RAB28: variants seen among roughly 807,000 people sequenced by gnomAD.
RAB28 encodes ras-related protein Rab-28.
Under a neutral mutation model 31.7 loss-of-function variants are expected in RAB28, and 24 were observed. The observed-to-expected ratio is 0.76, with a 90% CI of 0.55 to 1.06. The LOEUF is 1.06. Ranked by LOEUF, RAB28 falls within the 50% of genes least tolerant of loss-of-function variation. RAB28 has a pLI of 0.00. For missense variants in RAB28, 254 were observed against 258.5 expected, an observed-to-expected ratio of 0.98 and a Z score of 0.12; for synonymous variants, 100 against 90.4, an observed-to-expected ratio of 1.11 and a Z score of -0.60.
chr4:13,369,790 C>A, intron 6 of RAB28: 2 of 1,225,512 alleles, frequency 1.6e-6, no homozygotes, highest in Non-Finnish European at 2.2e-6. Context: ...CTTCCCTATT[C>A]ATAGGGAATA....
At chr4:13,451,397 GTT>G (rs79148759) in intron 4 of RAB28, among the ~76,000 whole-genome samples, 8,076 of 135,924 alleles carry the variant, frequency 0.059, 498 homozygotes, top group African/African-American at 0.16. Context: ...TTTGGGGTGG[GTT>G]TTTTTTTTTT....
chr4:13,439,890 G>A (rs1714324546), intron 4 of RAB28, among the ~76,000 whole-genome samples: 1 of 152,072 alleles, frequency 6.6e-6, no homozygotes, highest in African/African-American at 2.4e-5. Context: ...AATTCCCAAA[G>A]CACTAGCTGT....
At chr4:13,427,090 T>C (rs1347917684) in intron 4 of RAB28, among the ~76,000 whole-genome samples, 1 of 152,220 alleles carries the variant, frequency 6.6e-6, no homozygotes, top group African/African-American at 2.4e-5. Flanking sequence ...ATAGACCTGA[T>C]ATTTTAAAGC....
intron 4 of RAB28, among the ~76,000 whole-genome samples, chr4:13,460,431 G>T (rs948049096): frequency 6.6e-6 from 1 of 152,060 alleles, no homozygotes; most frequent in African/African-American, 2.4e-5. Flanking sequence ...GGCCAGGTTT[G>T]TCCGAAACTC....
chr4:13,457,207 C>T (rs1277585616), intron 4 of RAB28, among the ~76,000 whole-genome samples: 3 of 152,176 alleles, frequency 2.0e-5, no homozygotes, highest in African/African-American at 7.2e-5. Flanking sequence ...CTTTCCATCA[C>T]ATCTCTTGCT....
rs748395550 is a variant in RAB28, at chr4:13,460,846, C to T, written c.262-18G>A. The T allele has an allele frequency of 1.2e-6, 2 of 1,604,040 alleles. No homozygotes were observed. The highest frequency in any genetic ancestry group is 1.1e-5 in the South Asian group (1 of 90,220). On this transcript the variant is annotated intron_variant, in intron 3 of 6. Transcript: ENST00000330852. ...AGGACTCCCTGTCACAAAAGAGTTA[C>T]AAAATATCTGTAATGTATTATTTGG... is the stretch of plus-strand genomic sequence containing the variant.
At chr4:13,478,094 C>A (rs1249838660) in intron 2 of RAB28, among the ~76,000 whole-genome samples, 2 of 151,510 alleles carry the variant, frequency 1.3e-5, no homozygotes, top group Admixed American at 6.6e-5. Context: ...GAAAAAAACT[C>A]CTGCAAAAAT....
chr4:13,403,166 C>A (rs1259930898), intron 4 of RAB28, among the ~76,000 whole-genome samples: 1 of 152,170 alleles, frequency 6.6e-6, no homozygotes, highest in African/African-American at 2.4e-5. Flanking sequence ...CTAGGAAAGA[C>A]AGAAACAGAT....
At chr4:13,436,661 A>T (rs1714129003) in intron 4 of RAB28, among the ~76,000 whole-genome samples, 1 of 152,168 alleles carries the variant, frequency 6.6e-6, no homozygotes, top group Non-Finnish European at 1.5e-5. Context: ...TAGGTGAAAG[A>T]TCTCTGAGGA....
intron 4 of RAB28, among the ~76,000 whole-genome samples, chr4:13,459,328 G>C (rs759362019): frequency 2.0e-4 from 30 of 152,120 alleles, no homozygotes; most frequent in Non-Finnish European, 4.4e-5. Context: ...GTGATCATGT[G>C]AGTCAATTCT....
intron 4 of RAB28, among the ~76,000 whole-genome samples, chr4:13,389,026 G>A (rs1729508842): frequency 2.0e-5 from 3 of 152,100 alleles, no homozygotes; most frequent in South Asian, 2.1e-4. Flanking sequence ...AACAGCACTA[G>A]TCATAATAGC....
intron 4 of RAB28, among the ~76,000 whole-genome samples, chr4:13,429,395 A>T (rs1257231872): frequency 6.6e-6 from 1 of 152,216 alleles, no homozygotes. Flanking sequence ...AGAATCCACA[A>T]AAAAAACTAT....
intron 4 of RAB28, among the ~76,000 whole-genome samples, chr4:13,423,997 A>G (rs769301896): frequency 1.3e-5 from 2 of 152,172 alleles, no homozygotes; most frequent in Non-Finnish European, 1.5e-5. Context: ...AAAGCTGAGG[A>G]AGGTATAACA....
rs532380156 is a variant in RAB28 at position 13,394,100 on chromosome 4, C to T, written c.392-12506G>A. Among the ~76,000 whole-genome samples the T allele has an allele frequency of 3.2e-3, 485 of 152,032 alleles. 2 individuals carry two copies. The highest frequency in any genetic ancestry group is 0.014 in the Middle Eastern group (4 of 294). ...TATCATAATCTGAAAGTGGAGGAGG[C>T]GACCAGATAAGAGAGTAACAGAGTG... is the stretch of plus-strand genomic sequence containing the variant. On this transcript the variant is annotated intron_variant, in intron 4 of 6. Transcript: ENST00000330852.
chr4:13,377,430 G>A (rs1445371856), intron 5 of RAB28, among the ~76,000 whole-genome samples: 1 of 152,140 alleles, frequency 6.6e-6, no homozygotes, highest in Non-Finnish European at 1.5e-5. Context: ...ATTCCTGATA[G>A]CCTTATGCCA....
At position 13,460,700 on chromosome 4, in the gene RAB28, T is replaced by C. The variant is rs1180876099; in HGVS notation, c.390A>G (p.Lys130=). Residue 130 remains lysine, a splice_region_variant and synonymous_variant, in exon 4 of 7, where the codon AAA becomes AAG. Transcript: ENST00000330852. ...CATAAACAAGCAGTAATAACTTACT[T>C]TTATTGCCTACCAAGGCAACCAGTG... is the stretch of plus-strand genomic sequence containing the variant. ...TQPLVALVGN[K]IDLEHMRTIK... 1.9e-6 allele frequency: 3 copies of C among 1,613,844 alleles called. No homozygotes were observed. Among genetic ancestry groups the C allele is most frequent in the Non-Finnish European group, 2.5e-6 (3 of 1,179,882 alleles).
intron 6 of RAB28, chr4:13,370,169 A>G (rs2108872407): frequency 1.0e-6 from 1 of 981,590 alleles, no homozygotes; most frequent in Non-Finnish European, 1.2e-6. Flanking sequence ...AGAAAAGGAA[A>G]GGAACAAAGA....
chr4:13,450,336 T>TCTATGTTTGAAAA (rs1404225388), intron 4 of RAB28, among the ~76,000 whole-genome samples: 7 of 151,866 alleles, frequency 4.6e-5, no homozygotes, highest in African/African-American at 1.7e-4. Context: ...TCAAACATGA[T>TCTATGTTTGAAAA]CTAGTATAAA....
At chr4:13,433,471 A>G (rs972126009) in intron 4 of RAB28, among the ~76,000 whole-genome samples, 2 of 152,140 alleles carry the variant, frequency 1.3e-5, no homozygotes, top group African/African-American at 4.8e-5. Flanking sequence ...GAAACAAACA[A>G]ACGAAAACAC....
Sources: allele counts gnomAD v4.1 joint callset (sites outside exome capture counted in the v4.1 genomes callset), GRCh38; gene constraint gnomAD v4.1.1; transcripts MANE v1.5; gene names NCBI Gene and HGNC (gene_info 2026-07-23, HGNC 2026-07-21).